ARID1B: variants seen among roughly 807,000 people sequenced by gnomAD.
The protein encoded by ARID1B is AT-rich interactive domain-containing protein 1B.
ARID1B carries 30 observed loss-of-function variants against 212.3 expected under a neutral mutation model. The observed-to-expected ratio is 0.14, with a 90% CI of 0.11 to 0.19. ARID1B has a LOEUF of 0.19. ARID1B is among the 10% of genes least tolerant of loss of function. The pLI is 1.00. For missense variants in ARID1B, 2,891 were observed against 3,204.0 expected (o/e 0.90, Z 2.36); for synonymous variants, 1,402 against 1,301.7 (o/e 1.08, Z -1.66).
intron 4 of ARID1B, among the ~76,000 whole-genome samples, chr6:156,969,922 A>G (rs1776806340): frequency 7.2e-6 from 1 of 139,476 alleles, no homozygotes; most frequent in Admixed American, 7.6e-5. Flanking sequence ...ATTGACTGGT[A>G]TCAGGTAAAC....
At chr6:157,116,342 C>G (rs576749044) in intron 6 of ARID1B, among the ~76,000 whole-genome samples, 3 of 151,698 alleles carry the variant, frequency 2.0e-5, no homozygotes, top group Admixed American at 6.6e-5. Context: ...ATTAATTTTT[C>G]GAAAACCTTC....
At chr6:156,945,497 TTC>T (rs1396554498) in intron 4 of ARID1B, among the ~76,000 whole-genome samples, 10 of 151,850 alleles carry the variant, frequency 6.6e-5, no homozygotes, top group African/African-American at 1.9e-4. Flanking sequence ...TGCCTGCAGA[TTC>T]TTTCCTGTTT....
At chr6:156,901,704 T>G in intron 3 of ARID1B, 179 bp downstream of exon 3, 1 of 822,946 alleles carries the variant, frequency 1.2e-6, no homozygotes, top group Non-Finnish European at 1.8e-6. Flanking sequence ...TTTCCCCTTT[T>G]GAGATTGGAG....
chr6:157,029,775 C>T (rs1183072338), intron 4 of ARID1B, among the ~76,000 whole-genome samples: 1 of 152,142 alleles, frequency 6.6e-6, no homozygotes, highest in Non-Finnish European at 1.5e-5. Context: ...GTGGCAGGAC[C>T]GAGGACCTGC....
At chr6:156,799,222 G>C (rs527651129) in intron 1 of ARID1B, among the ~76,000 whole-genome samples, 27 of 147,484 alleles carry the variant, frequency 1.8e-4, no homozygotes, top group Non-Finnish European at 2.9e-4. Context: ...TAGGTGCCAA[G>C]CACTGTGCTA....
At chr6:156,883,783 C>G (rs570991900) in intron 2 of ARID1B, among the ~76,000 whole-genome samples, 2 of 152,290 alleles carry the variant, frequency 1.3e-5, no homozygotes, top group Admixed American at 1.3e-4. Context: ...AAGCTGTTAC[C>G]TGTTCTGCTG....
chr6:156,809,821 G>A (rs1432708852), intron 1 of ARID1B, among the ~76,000 whole-genome samples: 2 of 152,086 alleles, frequency 1.3e-5, no homozygotes, highest in African/African-American at 2.4e-5. Context: ...AAAGTGGAGC[G>A]GGCCTTGGTT....
intron 3 of ARID1B, among the ~76,000 whole-genome samples, chr6:156,912,322 A>G (rs574181369): frequency 6.7e-6 from 1 of 150,244 alleles, no homozygotes; most frequent in South Asian, 2.1e-4. Context: ...TCCTTACCCA[A>G]CTAAAATTCC....
intron 4 of ARID1B, among the ~76,000 whole-genome samples, chr6:156,991,113 T>A (rs759043394): frequency 9.2e-5 from 14 of 152,232 alleles, no homozygotes; most frequent in Non-Finnish European, 1.9e-4. Context: ...TGCCGACTGT[T>A]GCACAGTTGG....
In ARID1B at chr6:157,148,594, G is replaced by A. The variant is rs771314709; in HGVS notation, c.2762-30G>A. On this transcript the variant is annotated intron_variant, in intron 7 of 19. Transcript: ENST00000636930. This position sits in a 1 kb window ranked among gnomAD's most constrained non-coding sequence, Gnocchi z 5.6. ...AATGTTGTCACAAGTTTAAATAAAA[G>A]GCTTTACTTTGTGTTTGCTTTTTGT... is the stretch of plus-strand genomic sequence containing the variant. The A allele has an allele frequency of 2.6e-6, 4 of 1,563,774 alleles. No homozygotes were observed. The highest frequency in any genetic ancestry group is 2.3e-5 in the East Asian group (1 of 44,004).
intron 1 of ARID1B, among the ~76,000 whole-genome samples, chr6:156,800,657 A>G (rs1343350446): frequency 6.6e-6 from 1 of 152,200 alleles, no homozygotes; most frequent in African/African-American, 2.4e-5. Flanking sequence ...CTGTAATTCC[A>G]GCATTTTGGG....
intron 1 of ARID1B, among the ~76,000 whole-genome samples, chr6:156,780,026 C>A (rs922978483): frequency 6.6e-6 from 1 of 152,146 alleles, no homozygotes; most frequent in Non-Finnish European, 1.5e-5. Flanking sequence ...GTGGGTTTTT[C>A]CTACTTAGGG....
At position 157,163,536 on chromosome 6, in the gene ARID1B, G is replaced by GA. The variant is rs1302016511; in HGVS notation, c.3090-3501dup. Among the ~76,000 whole-genome samples, 7 of 152,330 alleles carry GA rather than the reference G, an allele frequency of 4.6e-5. No individual in the cohort carries two copies. In the East Asian group the frequency reaches 1.4e-3, roughly 29 times the overall value. On this transcript the variant is annotated intron_variant, in intron 8 of 19. Coordinates refer to ENST00000636930, the MANE Select transcript of ARID1B (RefSeq NM_001374828.1). ...CAAATAGGATTTCCTCTGCAATGGT[G>GA]AAAGACTGGCTCTCCCCACCCAGAC...
chr6:156,781,445 T>A (rs898355239), intron 1 of ARID1B, among the ~76,000 whole-genome samples: 1 of 152,148 alleles, frequency 6.6e-6, no homozygotes, highest in African/African-American at 2.4e-5. Flanking sequence ...TAAAAAATCC[T>A]AATCTGTTAG....
intron 3 of ARID1B, among the ~76,000 whole-genome samples, chr6:156,915,965 G>C (rs150699938): frequency 6.7e-6 from 1 of 149,270 alleles, no homozygotes; most frequent in Non-Finnish European, 1.5e-5. Flanking sequence ...CAAATTACGC[G>C]CCCCACCCCC....
At chr6:157,112,549 A>G (rs1787002352) in intron 6 of ARID1B, among the ~76,000 whole-genome samples, 1 of 152,200 alleles carries the variant, frequency 6.6e-6, no homozygotes, top group Non-Finnish European at 1.5e-5. Flanking sequence ...TTAAAGGGTA[A>G]AAGTTCCCTT....
intron 3 of ARID1B, among the ~76,000 whole-genome samples, chr6:156,922,057 C>A (rs891730224): frequency 6.6e-6 from 1 of 152,140 alleles, no homozygotes; most frequent in African/African-American, 2.4e-5. Context: ...TTATCCAGCA[C>A]GCGGGTTCAG....
Position 156,778,360 on chromosome 6 carries a change from G to A in ARID1B, c.680G>A (p.Gly227Asp). ...ISNNNSLGGA[G>D]GGAPQPGPDM... is the part of the protein sequence containing the mutation. The stretch of plus-strand genomic sequence containing the variant: ...AACAACAACAGCTTGGGCGGCGCGG[G>A]CGGCGGCGCGCCTCAGCCCGGCCCC... The change falls in exon 1 of 20, where the codon GGC (glycine) becomes GAC (aspartate). Residue 227 changes from glycine to aspartate, a missense_variant. Gly to Asp is a moderately conservative substitution (Grantham distance 94). Coordinates refer to ENST00000636930, the MANE Select transcript of ARID1B (RefSeq NM_001374828.1). 2 of 1,539,708 alleles carry A rather than the reference G, an allele frequency of 1.3e-6. No homozygotes were observed. Among genetic ancestry groups the A allele is most frequent in the Non-Finnish European group, 1.7e-6 (2 of 1,146,184 alleles).
At chr6:156,915,656 G>A (rs532281814) in intron 3 of ARID1B, among the ~76,000 whole-genome samples, 28 of 152,064 alleles carry the variant, frequency 1.8e-4, no homozygotes, top group South Asian at 2.1e-4. Flanking sequence ...AGCACTTTGG[G>A]AGGCCCAGGC....
Sources: gnomAD v4.1 joint callset for allele counts (sites outside exome capture counted in the v4.1 genomes callset) on GRCh38, gnomAD v4.1.1 for gene constraint, Gnocchi (gnomAD v3.1) non-coding constraint, MANE v1.5 for transcripts, NCBI Gene and HGNC (gene_info 2026-07-23, HGNC 2026-07-21) for gene names.